Variants in ZNF324 observed in about 807,000 individuals in gnomAD.
The protein encoded by ZNF324 is zinc finger protein 324A.
In ZNF324, 3 loss-of-function variants were observed where a neutral mutation model predicts 10.3. That is an observed-to-expected ratio of 0.29 (90% CI 0.13 to 0.75). The LOEUF is 0.75. Among genes scored for constraint, ZNF324 ranks in the 30% least tolerant of loss-of-function variants. ZNF324 has a pLI of 0.69. For synonymous variants in ZNF324, 430 were observed against 339.5 expected (o/e 1.27, Z -2.93); for missense variants, 763 against 784.4 (o/e 0.97, Z 0.33).
At position 58,473,190 on chromosome 19, in the gene ZNF324, C is replaced by G. The variant is rs2053053398; in HGVS notation, c.*1036C>G. On this transcript the variant is annotated 3_prime_UTR_variant, in exon 4 of 4. Coordinates refer to ENST00000196482, the MANE Select transcript of ZNF324 (RefSeq NM_014347.3). The stretch of plus-strand genomic sequence containing the variant: ...CCAACCCTGTCTCACCCCCATTATC[C>G]CTCCTCAATTGGAGGCTGGACAGAG... 1 of 152,632 alleles carries G rather than the reference C, an allele frequency of 6.6e-6. No individual in the cohort carries two copies. Among genetic ancestry groups the G allele is most frequent in the Admixed American group, 6.5e-5 (1 of 15,268 alleles). 9.5% of individuals were successfully genotyped at this position (152,632 alleles called of 1,614,324 possible).
chr19:58,469,055 T>C, intron 1 of ZNF324, 125 bp from the exon 2 acceptor site: 1 of 1,133,620 alleles, frequency 8.8e-7, no homozygotes, highest in Non-Finnish European at 1.3e-6. Flanking sequence ...CATCAGCTGT[T>C]ATTAGTGTTA....
intron 3 of ZNF324, chr19:58,470,460 T>G (rs1271021411): frequency 3.4e-6 from 2 of 588,360 alleles, no homozygotes; most frequent in Admixed American, 5.2e-5. Flanking sequence ...GTATGCAGCA[T>G]ACAGCAGCCG....
chr19:58,470,501 T>C (rs1471765989), intron 3 of ZNF324: 2 of 647,516 alleles, frequency 3.1e-6, no homozygotes, highest in Non-Finnish European at 5.6e-6. Context: ...ATCCTGGGTG[T>C]CGGGGGGCTG....
Position 58,473,285 on chromosome 19 carries a change from T to G in ZNF324, c.*1131T>G, listed in dbSNP as rs1193636079. The G allele has an allele frequency of 6.6e-6, 1 of 152,532 alleles. No individual in the cohort carries two copies. The highest frequency in any genetic ancestry group is 1.9e-4 in the East Asian group (1 of 5,184). 9.4% of individuals were successfully genotyped at this position (152,532 alleles called of 1,614,324 possible). The stretch of plus-strand genomic sequence containing the variant: ...CCTCCTGAGGACCTCCCCACCCCAG[T>G]GTAATGGCCCTTCATGGCAGGGACA... On this transcript the variant is annotated 3_prime_UTR_variant, in exon 4 of 4. Coordinates refer to ENST00000196482, the MANE Select transcript of ZNF324 (RefSeq NM_014347.3).
intron 1 of ZNF324, among the ~76,000 whole-genome samples, chr19:58,467,965 G>A (rs1408179889): frequency 1.3e-5 from 2 of 151,948 alleles, no homozygotes; most frequent in Non-Finnish European, 2.9e-5. Context: ...TCGGCATGAA[G>A]GGAAGAACCG....
In ZNF324 at chr19:58,473,607, T is replaced by TA. The variant is rs1192775364; in HGVS notation, c.*1454dup. The TA allele has an allele frequency of 2.0e-4, 31 of 152,314 alleles. No homozygotes were observed. Among genetic ancestry groups the TA allele is most frequent in the African/African-American group, 6.5e-4 (27 of 41,560 alleles). The allele number at this position is 152,314 out of a possible 1,614,324, so 9.4% of individuals were successfully genotyped here. On this transcript the variant is annotated 3_prime_UTR_variant, in exon 4 of 4. Transcript: ENST00000196482. ...GTGTGAACGGTAGCAACCTGACACC[T>TA]ATTTCACCCTCATACAATGCAGATG...
In ZNF324 at chr19:58,469,742, C is replaced by T. The variant is rs2053010985; in HGVS notation, c.136C>T (p.Arg46Ter). The change falls in exon 3 of 4, where the codon CGA becomes TGA. Residue 46 changes from arginine (R) to a stop codon, truncating the protein, a stop_gained. Coordinates refer to ENST00000196482, the MANE Select transcript of ZNF324 (RefSeq NM_014347.3). LOFTEE classifies it high-confidence loss of function. ...LVASLGLSTS[R>*]PRVVIQLERG... ...CCTCCTCACAGGACTCTCCACCTCT[C>T]GACCTCGTGTGGTCATCCAACTGGA... is the stretch of plus-strand genomic sequence containing the variant. 1.3e-6 allele frequency: 2 copies of T among 1,577,614 alleles called. No individual in the cohort carries two copies. The highest frequency in any genetic ancestry group is 1.3e-5 in the African/African-American group (1 of 74,168).
At chr19:58,469,941 C>T in intron 3 of ZNF324, 97 bp downstream of exon 3, 1 of 887,810 alleles carries the variant, frequency 1.1e-6, no homozygotes, top group Admixed American at 2.2e-5. Flanking sequence ...CTCCTCCCCT[C>T]CCTCCCACCC....
Position 58,467,082 on chromosome 19 carries a change from T to A in ZNF324, c.-108T>A. On this transcript the variant is annotated 5_prime_UTR_variant, in exon 1 of 4. Transcript: ENST00000196482. ...GGACTTCCGGCGGTGGGACTGTCAC[T>A]TCGCCGCCCGCGTCAGGCCACACCG... 5.2e-6 allele frequency: 1 copy of A among 193,292 alleles called. No homozygotes were observed. The highest frequency in any genetic ancestry group is 1.1e-5 in the Non-Finnish European group (1 of 91,264). The allele number at this position is 193,292 out of a possible 1,614,324, so 12.0% of individuals were successfully genotyped here. A position where few individuals can be genotyped will look rare whatever the true frequency, so the allele number is the denominator to read the frequency against.
At position 58,472,275 on chromosome 19, in the gene ZNF324, C is replaced by A. The variant is rs1381548255; in HGVS notation, c.*121C>A. ...TTGCTAGTCAGGGACAAGGGAGGCCCTTTGGCTGTGATTTCATTTGCACGT... is the reference window on the plus strand; with the variant it reads ...TTGCTAGTCAGGGACAAGGGAGGCCATTTGGCTGTGATTTCATTTGCACGT... On this transcript the variant is annotated 3_prime_UTR_variant, in exon 4 of 4. Coordinates refer to ENST00000196482, the MANE Select transcript of ZNF324 (RefSeq NM_014347.3). The A allele has an allele frequency of 2.7e-6, 3 of 1,125,578 alleles. No individual in the cohort carries two copies. Among genetic ancestry groups the A allele is most frequent in the Non-Finnish European group, 3.7e-6 (3 of 819,438 alleles). The allele number at this position is 1,125,578 out of a possible 1,614,324, so 69.7% of individuals were successfully genotyped here.
In ZNF324 at chr19:58,468,127, G is replaced by A. The variant is rs897038673; in HGVS notation, c.-7+944G>A. On this transcript the variant is annotated intron_variant, in intron 1 of 3. Transcript: ENST00000196482. ...GAAGAGAGCTGCTGTAGATAGAAAG[G>A]AGAATTGAAAGGAAAGCAGGTTTCC... is the stretch of plus-strand genomic sequence containing the variant. 11 of 912,932 alleles carry A rather than the reference G, an allele frequency of 1.2e-5. No individual in the cohort carries two copies. The African/African-American group carries it at 2.0e-4, about 16-fold the overall frequency. The allele number at this position is 912,932 out of a possible 1,614,324, so 56.6% of individuals were successfully genotyped here.
chr19:58,470,641 T>C (rs1395169361), intron 3 of ZNF324, 90 bp from the exon 4 acceptor site: 4 of 1,532,442 alleles, frequency 2.6e-6, no homozygotes, highest in Non-Finnish European at 3.6e-6. Flanking sequence ...TTGTGCCAGC[T>C]CCGGGGTTCC....
rs768882019 is a variant in ZNF324, at chr19:58,469,680, G to T, written c.122-48G>T. The T allele has an allele frequency of 2.0e-6, 3 of 1,480,500 alleles. No individual in the cohort carries two copies. The South Asian group carries it at 3.6e-5, about 18-fold the overall frequency. 91.7% of individuals were successfully genotyped at this position (1,480,500 alleles called of 1,614,324 possible). A position where few individuals can be genotyped will look rare whatever the true frequency, so the allele number is the denominator to read the frequency against. On this transcript the variant is annotated intron_variant, in intron 2 of 3. Transcript: ENST00000196482. ...ACTCCTGCCCTCTGTTTGGAGGTGG[G>T]TTATCTTGAGCTGGGGCTGGACTCT...
chr19:58,471,868 G>T lies in ZNF324; in HGVS notation c.1376G>T (p.Gly459Val). 6.2e-7 allele frequency: 1 copy of T among 1,612,302 alleles called. No homozygotes were observed. The highest frequency in any genetic ancestry group is 1.3e-5 in the African/African-American group (1 of 75,050). ...CGGCCCTTCCGCTGCGTGGACTGTG[G>T]CAAGGCCTTCGCCAAGGGCGCCGTG... ...GERPFRCVDC[G>V]KAFAKGAVLL... The change falls in exon 4 of 4, where the codon GGC (glycine) becomes GTC (valine). Residue 459 changes from glycine to valine, a missense_variant. Physicochemically the swap from Gly to Val is moderately radical, Grantham distance 109. Coordinates refer to ENST00000196482, the MANE Select transcript of ZNF324 (RefSeq NM_014347.3).
In ZNF324 at chr19:58,473,399, A is replaced by C. The variant is rs2053055381; in HGVS notation, c.*1245A>C. On this transcript the variant is annotated 3_prime_UTR_variant, in exon 4 of 4. Coordinates refer to ENST00000196482, the MANE Select transcript of ZNF324 (RefSeq NM_014347.3). ...TGGAGCCTCACCTCCAAGGAAATTC[A>C]TGTTCTCCTTAATGGAAAAAAAAAA... The C allele has an allele frequency of 8.8e-6, 1 of 113,390 alleles. No homozygotes were observed. The highest frequency in any genetic ancestry group is 1.7e-5 in the Non-Finnish European group (1 of 58,470). The allele number at this position is 113,390 out of a possible 1,614,324, so 7.0% of individuals were successfully genotyped here.
At position 58,475,343 on chromosome 19, in the gene ZNF324, CTG is replaced by C. The variant is rs2053071692; in HGVS notation, c.*3191_*3192del. On this transcript the variant is annotated 3_prime_UTR_variant, in exon 4 of 4. Coordinates refer to ENST00000196482, the MANE Select transcript of ZNF324 (RefSeq NM_014347.3). ...AAACTGACCCCACAGATTTAGAAAA[CTG>C]TAACACTGCTTATTGGGAGAAACTA... 2 of 152,350 alleles carry C rather than the reference CTG, an allele frequency of 1.3e-5. No homozygotes were observed. Among genetic ancestry groups the C allele is most frequent in the East Asian group, 1.9e-4 (1 of 5,192 alleles). The allele number at this position is 152,350 out of a possible 1,614,324, so 9.4% of individuals were successfully genotyped here. A position where few individuals can be genotyped will look rare whatever the true frequency, so the allele number is the denominator to read the frequency against.
intron 2 of ZNF324, 71 bp downstream of exon 2, chr19:58,469,377 T>C: frequency 1.3e-6 from 2 of 1,571,716 alleles, no homozygotes; most frequent in Non-Finnish European, 1.7e-6. Context: ...CCCCCTCACC[T>C]CCCTGGTGGC....
Position 58,472,150 on chromosome 19 carries a change from T to C in ZNF324, c.1658T>C (p.Val553Ala), listed in dbSNP as rs1378775443. 2 of 1,574,724 alleles carry C rather than the reference T, an allele frequency of 1.3e-6. No homozygotes were observed. Among genetic ancestry groups the C allele is most frequent in the Admixed American group, 1.7e-5 (1 of 58,498 alleles). ...GPAAVSQPAE[V>A] is the part of the protein sequence containing the mutation. ...GCCGCCGTCTCGCAGCCAGCGGAGG[T>C]CTGAGGTCACAGGTTGCAGCCCTGG... Residue 553 changes from valine (V) to alanine (A), a missense_variant, in exon 4 of 4, where the codon GTC becomes GCC. Val to Ala is a moderately conservative substitution (Grantham distance 64). Transcript: ENST00000196482.
rs1167286606 is a variant in ZNF324, at chr19:58,471,455, C to T, written c.963C>T (p.Ala321=). The part of the protein sequence containing the change: ...TPYACPVCGK[A]FRHSSSLVRH... ...ACGCGTGCCCCGTGTGCGGCAAGGC[C>T]TTCCGGCATAGCTCCTCGCTGGTGC... Residue 321 remains alanine, a synonymous_variant, in exon 4 of 4, where the codon GCC becomes GCT. Coordinates refer to ENST00000196482, the MANE Select transcript of ZNF324 (RefSeq NM_014347.3). 5 of 1,602,700 alleles carry T rather than the reference C, an allele frequency of 3.1e-6. No individual in the cohort carries two copies. Among genetic ancestry groups the T allele is most frequent in the Middle Eastern group, 1.7e-4 (1 of 5,970 alleles).
Sources: allele counts gnomAD v4.1 joint callset (sites outside exome capture counted in the v4.1 genomes callset), GRCh38; gene constraint gnomAD v4.1.1; transcripts MANE v1.5; gene names NCBI Gene and HGNC (gene_info 2026-07-23, HGNC 2026-07-21).